Variants in IGFBP7 observed in about 807,000 individuals in gnomAD.
IGFBP7 encodes the protein insulin-like growth factor-binding protein 7.
Under a neutral mutation model 29.4 loss-of-function variants are expected in IGFBP7, and 31 were observed. The ratio of observed to expected loss-of-function variants is 1.05; its 90% CI spans 0.79 to 1.42. The LOEUF (loss-of-function observed/expected upper bound fraction) is 1.42. IGFBP7 is among the 40% of genes most tolerant of loss of function. The pLI is 0.00. For synonymous variants in IGFBP7, 172 were observed against 174.9 expected (o/e 0.98, Z 0.13); for missense variants, 393 against 395.5 (o/e 0.99, Z 0.05).
chr4:57,048,919 T>A (rs1341481098), intron 1 of IGFBP7, among the ~76,000 whole-genome samples: 2 of 152,204 alleles, frequency 1.3e-5, no homozygotes, highest in Admixed American at 1.3e-4. Flanking sequence ...AACTAGGAAG[T>A]GTCTAAGAAT....
At chr4:57,064,914 G>C (rs17183073) in intron 1 of IGFBP7, among the ~76,000 whole-genome samples, 20,697 of 152,322 alleles carry the variant, frequency 0.14, 1,488 homozygotes, top group East Asian at 0.16. Context: ...GAAGCTAAGA[G>C]ATTAGGAAGG....
intron 1 of IGFBP7, among the ~76,000 whole-genome samples, chr4:57,072,457 CAGG>C (rs1350470195): frequency 2.0e-5 from 3 of 152,110 alleles, no homozygotes; most frequent in Non-Finnish European, 4.4e-5. Flanking sequence ...TGCTTGAGCC[CAGG>C]AGGTTGATGA....
At chr4:57,093,849 A>G (rs1725694486) in intron 1 of IGFBP7, among the ~76,000 whole-genome samples, 1 of 152,302 alleles carries the variant, frequency 6.6e-6, no homozygotes, top group Admixed American at 6.5e-5. Context: ...CCACACCTCT[A>G]GCCATAGTTA....
At chr4:57,036,538 A>G (rs1724088563) in intron 2 of IGFBP7, among the ~76,000 whole-genome samples, 1 of 152,198 alleles carries the variant, frequency 6.6e-6, no homozygotes, top group Non-Finnish European at 1.5e-5. Flanking sequence ...CTTTGATTTA[A>G]AAGGGTTAAG....
At chr4:57,064,581 G>A (rs1397466378) in intron 1 of IGFBP7, among the ~76,000 whole-genome samples, 1 of 152,188 alleles carries the variant, frequency 6.6e-6, no homozygotes, top group Non-Finnish European at 1.5e-5. Context: ...TTGCTAAGGT[G>A]CAGATCCTTT....
intron 1 of IGFBP7, among the ~76,000 whole-genome samples, chr4:57,053,341 T>C (rs1724560441): frequency 7.1e-6 from 1 of 141,574 alleles, no homozygotes; most frequent in Admixed American, 6.8e-5. Flanking sequence ...CTTATTCTTG[T>C]CCCCTTCCTT....
chr4:57,046,757 C>G (rs1724370807), intron 1 of IGFBP7, among the ~76,000 whole-genome samples: 1 of 149,710 alleles, frequency 6.7e-6, no homozygotes, highest in Non-Finnish European at 1.5e-5. Context: ...TTGTACCCAC[C>G]CTCGGCAACT....
At chr4:57,031,547 G>C (rs1005581297) in intron 4 of IGFBP7, among the ~76,000 whole-genome samples, 12 of 152,132 alleles carry the variant, frequency 7.9e-5, no homozygotes, top group Admixed American at 7.2e-4. Flanking sequence ...TTGCTGTATT[G>C]GTTGATGCAT....
intron 1 of IGFBP7, among the ~76,000 whole-genome samples, chr4:57,078,930 G>A (rs980714076): frequency 2.0e-5 from 3 of 152,180 alleles, no homozygotes; most frequent in African/African-American, 7.2e-5. Context: ...TGCTACCTGG[G>A]CTGAGCTGGC....
intron 1 of IGFBP7, chr4:57,065,533 C>T (rs991643088): frequency 6.6e-6 from 1 of 152,270 alleles, no homozygotes; most frequent in African/African-American, 2.4e-5. Flanking sequence ...CAAACACCCC[C>T]AAAAGGCAGC....
In IGFBP7 at chr4:57,031,006, A is replaced by G. The variant is rs1314064068; in HGVS notation, c.*311T>C. 8 of 1,395,218 alleles carry G rather than the reference A, an allele frequency of 5.7e-6. No individual in the cohort carries two copies. The highest frequency in any genetic ancestry group is 3.3e-5 in the Admixed American group (2 of 59,712). 86.4% of individuals were successfully genotyped at this position (1,395,218 alleles called of 1,614,324 possible). On this transcript the variant is annotated 3_prime_UTR_variant, in exon 5 of 5. Transcript: ENST00000295666. ...GTGTTTAGCTATTTTACAGGAGTCA[A>G]CAAGATAATTAAATATCTTGGTGTC...
Position 57,110,112 on chromosome 4 carries a change from G to A in IGFBP7, c.240C>T (p.Tyr80=). Residue 80 remains tyrosine (Y), a synonymous_variant, in exon 1 of 5, where the codon TAC becomes TAT. Coordinates refer to ENST00000295666, the MANE Select transcript of IGFBP7 (RefSeq NM_001553.3). ...TCACGCACTCCATGCCCGGCGCGCA[G>A]TACCCCCTGCCGGCGCCGCCACCCC... The part of the protein sequence containing the change: ...PCGGGGAGRG[Y]CAPGMECVKS... 5 of 1,519,914 alleles carry A rather than the reference G, an allele frequency of 3.3e-6. No homozygotes were observed. The highest frequency in any genetic ancestry group is 4.4e-6 in the Non-Finnish European group (5 of 1,140,896). The allele number at this position is 1,519,914 out of a possible 1,614,324, so 94.2% of individuals were successfully genotyped here.
chr4:57,067,972 G>C (rs1228766607), intron 1 of IGFBP7, among the ~76,000 whole-genome samples: 1 of 152,198 alleles, frequency 6.6e-6, no homozygotes, highest in East Asian at 1.9e-4. Context: ...ATAAGGAGAA[G>C]AGGTTGTGGT....
At position 57,048,052 on chromosome 4, in the gene IGFBP7, G is replaced by A. The variant is rs58463001; in HGVS notation, c.476-7119C>T. Among the ~76,000 whole-genome samples the A allele has an allele frequency of 7.6e-4, 98 of 128,302 alleles. No homozygotes were observed. The East Asian group carries it at 8.6e-3, about 11-fold the overall frequency. The allele number at this position is 128,302 out of a possible 152,430, so 84.2% of individuals were successfully genotyped here. A position where few individuals can be genotyped will look rare whatever the true frequency, so the allele number is the denominator to read the frequency against. On this transcript the variant is annotated intron_variant, in intron 1 of 4. Coordinates refer to ENST00000295666, the MANE Select transcript of IGFBP7 (RefSeq NM_001553.3). The stretch of plus-strand genomic sequence containing the variant: ...CCTGGCTTCTCCTTTGCCCCCCTCC[G>A]CCCCCCTTTTTTTTTTTGAGACGGA...
At chr4:57,082,102 T>C (rs1247957754) in intron 1 of IGFBP7, among the ~76,000 whole-genome samples, 1 of 152,124 alleles carries the variant, frequency 6.6e-6, no homozygotes, top group African/African-American at 2.4e-5. Flanking sequence ...GTACCATTTC[T>C]CCCCACATTT....
At chr4:57,063,715 T>C (rs1724850107) in intron 1 of IGFBP7, among the ~76,000 whole-genome samples, 1 of 152,170 alleles carries the variant, frequency 6.6e-6, no homozygotes, top group Admixed American at 6.5e-5. Context: ...TATTTACAAA[T>C]TGGTCCTCAG....
chr4:57,055,407 C>A (rs551117448), intron 1 of IGFBP7, among the ~76,000 whole-genome samples: 1 of 152,224 alleles, frequency 6.6e-6, no homozygotes, highest in African/African-American at 2.4e-5. Context: ...AGGAGATACT[C>A]AGATGATTAG....
chr4:57,033,759 A>G (rs1471569204), intron 2 of IGFBP7, among the ~76,000 whole-genome samples: 1 of 152,190 alleles, frequency 6.6e-6, no homozygotes, highest in Non-Finnish European at 1.5e-5. Flanking sequence ...CTGAGACCAA[A>G]GCCAATACCA....
At chr4:57,097,440 T>C (rs2109800880) in intron 1 of IGFBP7, among the ~76,000 whole-genome samples, 1 of 152,316 alleles carries the variant, frequency 6.6e-6, no homozygotes, top group East Asian at 1.9e-4. Context: ...TGTTATTTTG[T>C]TTACGCAGGT....
Sources: gnomAD v4.1 joint callset for allele counts (sites outside exome capture counted in the v4.1 genomes callset) on GRCh38, gnomAD v4.1.1 for gene constraint, MANE v1.5 for transcripts, NCBI Gene and HGNC (gene_info 2026-07-23, HGNC 2026-07-21) for gene names.